Variants in ZNF670 observed in about 807,000 individuals in gnomAD.
ZNF670 encodes the protein zinc finger protein 670.
ZNF670 carries 7 observed loss-of-function variants against 10.9 expected under a neutral mutation model. The ratio of observed to expected loss-of-function variants is 0.64; its 90% confidence interval spans 0.36 to 1.20. The LOEUF (loss-of-function observed/expected upper bound fraction) is 1.20. Ranked by LOEUF, ZNF670 falls within the 50% of genes most tolerant of loss-of-function variation. The pLI, the probability that ZNF670 is intolerant of heterozygous loss-of-function variation, is 0.02. For missense variants in ZNF670, 446 were observed against 458.6 expected (o/e 0.97, Z 0.25); for synonymous variants, 136 against 152.7 (o/e 0.89, Z 0.81).
At chr1:247,074,159 A>G (rs571283062) in intron 1 of ZNF670, among the ~76,000 whole-genome samples, 6 of 152,296 alleles carry the variant, frequency 3.9e-5, no homozygotes, top group African/African-American at 7.2e-5. Context: ...AGAAACAGAC[A>G]GCGTAATTTT....
In ZNF670 at chr1:247,037,576, G is replaced by C. The variant is rs1670188721; in HGVS notation, c.1043C>G (p.Ser348Cys). The part of the protein sequence containing the change: ...GCKECGKSFT[S>C]SSALRSHERT... ...TTCATGGCTTCGAAGGGCACTGGAA[G>C]AAGTAAACGACTTACCACATTCCTT... is the stretch of plus-strand genomic sequence containing the variant. The change falls in exon 4 of 4, where the codon TCT becomes TGT. Residue 348 changes from serine to cysteine, a missense_variant. Physicochemically the swap from Ser to Cys is moderately radical, Grantham distance 112 (BLOSUM62 -1). Transcript: ENST00000366503. 12 of 1,613,622 alleles carry C rather than the reference G, an allele frequency of 7.4e-6. No homozygotes were observed. In the East Asian group the frequency reaches 2.5e-4, roughly 33 times the overall value.
In ZNF670 at chr1:247,063,565, A is replaced by G. The variant is rs554059652; in HGVS notation, c.3+15029T>C. ...GCCACTGCACTCCAGCCTGGGCGAC[A>G]GAGCGAGACACCAAAAAAAAAAAAA... On this transcript the variant is annotated intron_variant, in intron 1 of 3. Transcript: ENST00000366503. Among the ~76,000 whole-genome samples, 18 of 140,398 alleles carry G rather than the reference A, an allele frequency of 1.3e-4. No homozygotes were observed. In the South Asian group the frequency reaches 3.9e-3, roughly 31 times the overall value. The allele number at this position is 140,398 out of a possible 152,430, so 92.1% of individuals were successfully genotyped here.
rs35807997 is a variant in ZNF670, at chr1:247,056,115, C to CAA, written c.4-16580_4-16579dup. The stretch of plus-strand genomic sequence containing the variant: ...TTTAGCATTAGACAATCTTACAGAC[C>CAA]AAAAAAAAAAAAAAAATCAATAATG... On this transcript the variant is annotated intron_variant, in intron 1 of 3. Transcript: ENST00000366503. Among the ~76,000 whole-genome samples the CAA allele has an allele frequency of 2.1e-4, 30 of 140,846 alleles. 1 individual carries two copies. Among genetic ancestry groups the CAA allele is most frequent in the South Asian group, 6.7e-4 (3 of 4,448 alleles). 92.4% of individuals were successfully genotyped at this position (140,846 alleles called of 152,430 possible).
At chr1:247,038,945 A>G in intron 2 of ZNF670, 75 bp from the exon 3 acceptor site, 3 of 1,148,480 alleles carry the variant, frequency 2.6e-6, no homozygotes, top group Non-Finnish European at 3.7e-6. Flanking sequence ...TTCACTATAC[A>G]CTGTGACCAT....
intron 1 of ZNF670, among the ~76,000 whole-genome samples, chr1:247,078,074 C>A (rs1401010939): frequency 6.6e-6 from 1 of 152,216 alleles, no homozygotes; most frequent in Admixed American, 6.5e-5. Flanking sequence ...CATAACTGTA[C>A]ACGATCAATT....
intron 1 of ZNF670, chr1:247,043,235 C>T (rs1261454568): frequency 5.8e-6 from 4 of 689,424 alleles, no homozygotes; most frequent in African/African-American, 5.2e-5. Flanking sequence ...TGAAGGAGGA[C>T]TTTGGATTTA....
intron 1 of ZNF670, among the ~76,000 whole-genome samples, chr1:247,056,314 T>C (rs191818320): frequency 1.3e-5 from 2 of 151,954 alleles, no homozygotes; most frequent in East Asian, 3.9e-4. Context: ...CCAGAAAAAA[T>C]TGAAATAGTA....
intron 1 of ZNF670, among the ~76,000 whole-genome samples, chr1:247,062,241 AAG>A (rs1366528948): frequency 1.3e-5 from 2 of 152,062 alleles, no homozygotes; most frequent in Admixed American, 6.6e-5. Context: ...CCCACAATGG[AAG>A]AGACATTTCC....
chr1:247,046,612 G>A (rs1422684766), intron 1 of ZNF670, among the ~76,000 whole-genome samples: 3 of 152,202 alleles, frequency 2.0e-5, no homozygotes, highest in Admixed American at 2.0e-4. Context: ...GCAGAAGCCT[G>A]ACATGAGTGG....
At position 247,068,882 on chromosome 1, in the gene ZNF670, G is replaced by A. The variant is rs565431321; in HGVS notation, c.3+9712C>T. On this transcript the variant is annotated intron_variant, in intron 1 of 3. Coordinates refer to ENST00000366503, the MANE Select transcript of ZNF670 (RefSeq NM_033213.5). ...ATCCAGTCGTTTGCAGCAACAACAC[G>A]GATGGAACTGGAGATCATGATGTTA... Among the ~76,000 whole-genome samples the A allele has an allele frequency of 1.2e-4, 17 of 143,938 alleles. 1 individual carries two copies. The South Asian group carries it at 1.4e-3, about 12-fold the overall frequency. The allele number at this position is 143,938 out of a possible 152,430, so 94.4% of individuals were successfully genotyped here.
intron 1 of ZNF670, among the ~76,000 whole-genome samples, chr1:247,053,113 G>A (rs939728785): frequency 2.0e-5 from 3 of 152,100 alleles, no homozygotes; most frequent in African/African-American, 4.8e-5. Context: ...CCATGCAGCC[G>A]GAAAAGCCAG....
chr1:247,055,993 C>G (rs1383548912), intron 1 of ZNF670, among the ~76,000 whole-genome samples: 2 of 151,368 alleles, frequency 1.3e-5, no homozygotes, highest in Non-Finnish European at 2.9e-5. Context: ...TATATGCACT[C>G]AATACTGAAG....
Position 247,057,669 on chromosome 1 carries a change from T to C in ZNF670, c.4-18132A>G, listed in dbSNP as rs150474483. ...ATTTAGCCATAAAAAAAGAATGAGA[T>C]CCATTCATTTGCAACAACACGGATG... is the stretch of plus-strand genomic sequence containing the variant. On this transcript the variant is annotated intron_variant, in intron 1 of 3. Transcript: ENST00000366503. 4.4e-3 allele frequency among the ~76,000 whole-genome samples: 669 copies of C among 152,236 alleles called. 2 individuals are homozygous for C. The highest frequency in any genetic ancestry group is 0.024 in the Middle Eastern group (7 of 294).
chr1:247,047,935 G>T lies in ZNF670; in HGVS notation c.4-8398C>A, dbSNP rs192196424. On this transcript the variant is annotated intron_variant, in intron 1 of 3. Transcript: ENST00000366503. The stretch of plus-strand genomic sequence containing the variant: ...CTATGCCTCCAAGCCTGTGATGGGA[G>T]GGACTGCCGTGAAGACCTCTGACAT... Among the ~76,000 whole-genome samples the T allele has an allele frequency of 6.1e-3, 931 of 152,310 alleles. 5 individuals carry two copies. Among genetic ancestry groups the T allele is most frequent in the South Asian group, 0.017 (83 of 4,832 alleles).
Position 247,078,775 on chromosome 1 carries a change from G to A in ZNF670, c.-179C>T, listed in dbSNP as rs1000268047. On this transcript the variant is annotated 5_prime_UTR_variant, in exon 1 of 4. Transcript: ENST00000366503. ...CAACACAAAAGCCGCGCCAGGTCCCGGAAGCTGCTCCCTCCTTTCGCGGCG... is the reference window on the plus strand; with the variant it reads ...CAACACAAAAGCCGCGCCAGGTCCCAGAAGCTGCTCCCTCCTTTCGCGGCG... 1.5e-6 allele frequency: 1 copy of A among 649,212 alleles called. No homozygotes were observed. Among genetic ancestry groups the A allele is most frequent in the Non-Finnish European group, 2.6e-6 (1 of 379,882 alleles). 40.2% of individuals were successfully genotyped at this position (649,212 alleles called of 1,614,324 possible). A position where few individuals can be genotyped will look rare whatever the true frequency, so the allele number is the denominator to read the frequency against.
At chr1:247,071,198 T>C (rs575994521) in intron 1 of ZNF670, among the ~76,000 whole-genome samples, 2 of 152,264 alleles carry the variant, frequency 1.3e-5, no homozygotes, top group East Asian at 3.9e-4. Flanking sequence ...CTATTCACAA[T>C]AGCAAAGTCA....
rs1402351343 is a variant in ZNF670, at chr1:247,039,552, A to G, written c.4-15T>C. ...GACACTGAATCCTAGAATATCGCACATATGTGGAGAGGAGGATGGCTTAGA... is the reference window on the plus strand; with the variant it reads ...GACACTGAATCCTAGAATATCGCACGTATGTGGAGAGGAGGATGGCTTAGA... On this transcript the variant is annotated splice_polypyrimidine_tract_variant and intron_variant, in intron 1 of 3. Transcript: ENST00000366503. The G allele has an allele frequency of 6.4e-7, 1 of 1,561,704 alleles. No individual in the cohort carries two copies. Among genetic ancestry groups the G allele is most frequent in the Non-Finnish European group, 8.6e-7 (1 of 1,158,918 alleles).
intron 1 of ZNF670, among the ~76,000 whole-genome samples, chr1:247,040,580 A>G (rs1283564496): frequency 6.6e-6 from 1 of 152,246 alleles, no homozygotes; most frequent in Non-Finnish European, 1.5e-5. Flanking sequence ...CTTACCATGT[A>G]TCAGAATTTT....
intron 1 of ZNF670, among the ~76,000 whole-genome samples, chr1:247,077,495 A>T (rs958942264): frequency 6.6e-6 from 1 of 152,228 alleles, no homozygotes; most frequent in Non-Finnish European, 1.5e-5. Flanking sequence ...TAGGAGATGC[A>T]CAAAGACTTT....
Sources: gnomAD v4.1 joint callset for allele counts (sites outside exome capture counted in the v4.1 genomes callset) on GRCh38, gnomAD v4.1.1 for gene constraint, MANE v1.5 for transcripts, NCBI Gene and HGNC (gene_info 2026-07-23, HGNC 2026-07-21) for gene names.